The following CAST variants were observed in gnomAD, a reference collection of about 807,000 sequenced individuals.
CAST encodes MIR583 host.
CAST carries 76 observed loss-of-function variants against 119.6 expected under a neutral mutation model. The observed-to-expected ratio is 0.64, with a 90% confidence interval of 0.53 to 0.77. CAST has a LOEUF of 0.77. CAST is among the 30% of genes least tolerant of loss of function. The pLI, the probability that CAST is intolerant of heterozygous loss-of-function variation, is 0.00. For synonymous variants in CAST, 319 were observed against 331.6 expected (o/e 0.96, Z 0.41); for missense variants, 953 against 946.5 (o/e 1.01, Z -0.09).
chr5:95,991,756 T>C, the CAST span, among the ~76,000 whole-genome samples: 2 of 152,068 alleles, frequency 1.3e-5, no homozygotes. Flanking sequence ...GTCACCCGCC[T>C]CAGCCTCCCA....
chr5:96,159,356 C>A, the CAST span, among the ~76,000 whole-genome samples: 1 of 152,072 alleles, frequency 6.6e-6, no homozygotes, highest in African/African-American at 2.4e-5. Flanking sequence ...AGGTGACTCT[C>A]CTTAAAATGC....
At chr5:96,381,641 G>A in the CAST span, among the ~76,000 whole-genome samples, 1 of 152,212 alleles carries the variant, frequency 6.6e-6, no homozygotes, top group African/African-American at 2.4e-5. Context: ...TTTCGCTCAT[G>A]TGTGCCTGAC....
chr5:96,405,705 T>A, the CAST span, among the ~76,000 whole-genome samples: 3 of 152,204 alleles, frequency 2.0e-5, no homozygotes, highest in Non-Finnish European at 4.4e-5. Flanking sequence ...TTATTTTCTG[T>A]ATAGGATCAT....
At chr5:96,664,385 G>T (rs1339889282) in intron 1 of CAST, among the ~76,000 whole-genome samples, 2 of 143,604 alleles carry the variant, frequency 1.4e-5, no homozygotes, top group Non-Finnish European at 3.0e-5. Flanking sequence ...ATATGTGTGT[G>T]CATATATATG....
chr5:96,351,546 G>A, the CAST span, among the ~76,000 whole-genome samples: 16 of 152,226 alleles, frequency 1.1e-4, no homozygotes, highest in South Asian at 3.1e-3. Context: ...GCTGCTTTAG[G>A]CCACAGAGAT....
intron 1 of CAST, chr5:96,585,182 G>A (rs768069004): frequency 2.6e-5 from 4 of 151,962 alleles, no homozygotes; most frequent in Non-Finnish European, 5.9e-5. Context: ...ATATCTAATC[G>A]GACTTTACGT....
the CAST span, among the ~76,000 whole-genome samples, chr5:96,021,329 G>A: frequency 6.6e-6 from 1 of 152,108 alleles, no homozygotes; most frequent in Non-Finnish European, 1.5e-5. Flanking sequence ...AATTATAGAT[G>A]CCTCCCAGTA....
chr5:96,354,685 TTA>T, the CAST span, among the ~76,000 whole-genome samples: 1 of 149,068 alleles, frequency 6.7e-6, no homozygotes, highest in South Asian at 2.1e-4. Flanking sequence ...ATTATGTATA[TTA>T]TATATAATAT....
the CAST span, among the ~76,000 whole-genome samples, chr5:96,487,885 G>A: frequency 6.6e-6 from 1 of 152,114 alleles, no homozygotes; most frequent in Non-Finnish European, 1.5e-5. Flanking sequence ...GAGGACTGGG[G>A]TATATGCCAT....
the CAST span, chr5:96,392,089 T>C: frequency 1.3e-5 from 2 of 152,188 alleles, no homozygotes; most frequent in African/African-American, 4.8e-5. Flanking sequence ...TTTTCTATTA[T>C]TACATTAGGT....
chr5:96,119,188 T>G, the CAST span, among the ~76,000 whole-genome samples: 2 of 152,150 alleles, frequency 1.3e-5, no homozygotes, highest in Non-Finnish European at 2.9e-5. Context: ...GGATCTCTAT[T>G]GAGGTCTGAT....
chr5:96,281,198 G>C, the CAST span, among the ~76,000 whole-genome samples: 1 of 152,098 alleles, frequency 6.6e-6, no homozygotes, highest in African/African-American at 2.4e-5. Flanking sequence ...GACTTTTATT[G>C]TTGTTGTTGC....
chr5:96,324,541 G>C, the CAST span, among the ~76,000 whole-genome samples: 1 of 152,138 alleles, frequency 6.6e-6, no homozygotes, highest in South Asian at 2.1e-4. Context: ...CTTTAAAATA[G>C]AAGGAATGTT....
At chr5:96,770,389 AT>A (rs1378273672) in intron 29 of CAST, 141 bp from the exon 30 acceptor site, 2 of 596,930 alleles carry the variant, frequency 3.4e-6, no homozygotes, top group Non-Finnish European at 6.1e-6. Flanking sequence ...TTCAAAAAAA[AT>A]CATGAAAAAA....
chr5:96,382,064 G>A, the CAST span, among the ~76,000 whole-genome samples: 721 of 152,304 alleles, frequency 4.7e-3, 3 homozygotes, highest in Middle Eastern at 0.031. Context: ...GGTGTATGAG[G>A]TCTTCTTAGA....
At chr5:96,264,480 T>C in the CAST span, among the ~76,000 whole-genome samples, 1 of 136,432 alleles carries the variant, frequency 7.3e-6, no homozygotes, top group African/African-American at 2.6e-5. Flanking sequence ...TCTTTCTTGA[T>C]AGTCAGGGTC....
the CAST span, among the ~76,000 whole-genome samples, chr5:96,453,095 A>G: frequency 6.6e-6 from 1 of 152,158 alleles, no homozygotes; most frequent in Non-Finnish European, 1.5e-5. Context: ...TGTTTATTTC[A>G]GTTAAGGAAG....
intron 1 of CAST, among the ~76,000 whole-genome samples, chr5:96,548,393 T>C (rs1486233955): frequency 2.0e-5 from 3 of 152,108 alleles, no homozygotes; most frequent in Non-Finnish European, 4.4e-5. Flanking sequence ...GATCAACCAA[T>C]ACTCTAGTAA....
At chr5:96,616,749 T>C (rs1359757236) in intron 1 of CAST, among the ~76,000 whole-genome samples, 3 of 115,892 alleles carry the variant, frequency 2.6e-5, no homozygotes, top group African/African-American at 1.1e-4. Context: ...TCTCTCTATA[T>C]ATATACACAC....
Sources: gnomAD v4.1 joint callset for allele counts (sites outside exome capture counted in the v4.1 genomes callset) on GRCh38, gnomAD v4.1.1 for gene constraint, MANE v1.5 for transcripts, NCBI Gene and HGNC (gene_info 2026-07-23, HGNC 2026-07-21) for gene names.